SLC30A10: variants seen among roughly 807,000 people sequenced by gnomAD.
The protein encoded by SLC30A10 is solute carrier family 30 member 10, also known as calcium/manganese antiporter SLC30A10.
Under a neutral mutation model 21.7 loss-of-function variants are expected in SLC30A10, and 8 were observed. That is an observed-to-expected ratio of 0.37 (90% confidence interval 0.22 to 0.67). The LOEUF (loss-of-function observed/expected upper bound fraction) is 0.67, where lower values mean the gene tolerates loss of function less well. SLC30A10 is among the 30% of genes least tolerant of loss of function. SLC30A10 has a pLI of 0.58. For missense variants in SLC30A10, 521 were observed against 642.5 expected, an observed-to-expected ratio of 0.81 and a Z score of 2.04; for synonymous variants, 272 against 279.4, an observed-to-expected ratio of 0.97 and a Z score of 0.26.
chr1:219,916,899 G>C (rs1659556867), intron 3 of SLC30A10, among the ~76,000 whole-genome samples: 1 of 151,240 alleles, frequency 6.6e-6, no homozygotes, highest in African/African-American at 2.4e-5. Context: ...AAAGCACTTG[G>C]AACACTTACA....
chr1:219,919,601 C>A (rs1558250948), intron 2 of SLC30A10, among the ~76,000 whole-genome samples: 1 of 137,414 alleles, frequency 7.3e-6, no homozygotes, highest in Non-Finnish European at 1.7e-5. Context: ...TATGGTGAAA[C>A]CCTATCTCTA....
intron 1 of SLC30A10, among the ~76,000 whole-genome samples, chr1:219,951,367 A>C (rs1660268607): frequency 6.6e-6 from 1 of 152,148 alleles, no homozygotes; most frequent in African/African-American, 2.4e-5. Context: ...GACGTTCCAG[A>C]ACATGTATTT....
At chr1:219,953,543 C>T (rs12049187) in intron 1 of SLC30A10, among the ~76,000 whole-genome samples, 50,227 of 151,056 alleles carry the variant, frequency 0.33, 8,960 homozygotes, top group Non-Finnish European at 0.4. Flanking sequence ...CAGAGGTTAT[C>T]GTGAGCCCGA....
At position 219,915,423 on chromosome 1, in the gene SLC30A10, T is replaced by C. The variant is rs1368135004; in HGVS notation, c.*26A>G. 6.3e-7 allele frequency: 1 copy of C among 1,597,928 alleles called. No homozygotes were observed. The highest frequency in any genetic ancestry group is 1.7e-4 in the Middle Eastern group (1 of 5,972). ...TTGTGGTTCCAAAGTGCCTCGTCTA[T>C]ATGGTCTGATTATGTGAGTACCAGA... On this transcript the variant is annotated 3_prime_UTR_variant, in exon 4 of 4. Coordinates refer to ENST00000366926, the MANE Select transcript of SLC30A10 (RefSeq NM_018713.3).
At chr1:219,930,763 G>A (rs189545551), upstream of SLC30A10, among the ~76,000 whole-genome samples, 5 of 152,178 alleles carry the variant, frequency 3.3e-5, no homozygotes, top group South Asian at 4.1e-4. Context: ...GAGGTAAGAA[G>A]ATATAGACTA....
intron 2 of SLC30A10, among the ~76,000 whole-genome samples, chr1:219,919,456 A>G (rs146906124): frequency 6.6e-6 from 1 of 152,214 alleles, no homozygotes; most frequent in African/African-American, 2.4e-5. Flanking sequence ...TCAGATCTGT[A>G]GAATCTGAAC....
At chr1:219,921,215 T>C (rs1386715248) in intron 2 of SLC30A10, among the ~76,000 whole-genome samples, 1 of 152,236 alleles carries the variant, frequency 6.6e-6, no homozygotes, top group African/African-American at 2.4e-5. Context: ...TCTGGAGTGA[T>C]GAGTCCCGGA....
chr1:219,927,125 C>T lies in SLC30A10; in HGVS notation c.641-20G>A, dbSNP rs2102533855. ...AATCACCTGCATTCAAAGAAGAAAC[C>T]TTGTGTTGTGTATAAGTTCTACAAA... On this transcript the variant is annotated intron_variant, in intron 1 of 3. Transcript: ENST00000366926. 1 of 1,613,092 alleles carries T rather than the reference C, an allele frequency of 6.2e-7. No homozygotes were observed. Among genetic ancestry groups the T allele is most frequent in the South Asian group, 1.1e-5 (1 of 91,000 alleles).
intron 2 of SLC30A10, among the ~76,000 whole-genome samples, chr1:219,920,391 C>G (rs1342905398): frequency 6.6e-6 from 1 of 152,120 alleles, no homozygotes; most frequent in Non-Finnish European, 1.5e-5. Flanking sequence ...CTAATATCTC[C>G]TATACACATG....
intron 1 of SLC30A10, among the ~76,000 whole-genome samples, chr1:219,945,511 T>C (rs1028889830): frequency 6.6e-6 from 1 of 152,006 alleles, no homozygotes; most frequent in Non-Finnish European, 1.5e-5. Flanking sequence ...AAGGTAAATC[T>C]GAAAAACCAC....
intron 1 of SLC30A10, among the ~76,000 whole-genome samples, chr1:219,947,327 G>A (rs927233584): frequency 1.3e-5 from 2 of 152,192 alleles, no homozygotes; most frequent in African/African-American, 2.4e-5. Flanking sequence ...GCAGGAGTTC[G>A]AGATCAGCTT....
chr1:219,938,587 G>T (rs1406338235), intron 1 of SLC30A10, among the ~76,000 whole-genome samples: 7 of 152,174 alleles, frequency 4.6e-5, no homozygotes, highest in Non-Finnish European at 1.0e-4. Flanking sequence ...ATTCTGGGGT[G>T]GACGATTAGG....
At chr1:219,956,686 G>T (rs1422571027) in intron 1 of SLC30A10, among the ~76,000 whole-genome samples, 1 of 148,808 alleles carries the variant, frequency 6.7e-6, no homozygotes, top group African/African-American at 2.5e-5. Context: ...AAGAAGAAAA[G>T]AAAAAAAAGA....
chr1:219,915,400 G>A lies in SLC30A10; in HGVS notation c.*49C>T. 6.4e-7 allele frequency: 1 copy of A among 1,567,928 alleles called. No individual in the cohort carries two copies. Among genetic ancestry groups the A allele is most frequent in the Non-Finnish European group, 8.6e-7 (1 of 1,157,194 alleles). ...AAAGCTCTTTTTGTGAGCCAAGCTT[G>A]TGGTTCCAAAGTGCCTCGTCTATAT... is the stretch of plus-strand genomic sequence containing the variant. On this transcript the variant is annotated 3_prime_UTR_variant, in exon 4 of 4. Transcript: ENST00000366926.
chr1:219,924,353 C>T (rs1471396794), intron 2 of SLC30A10, among the ~76,000 whole-genome samples: 2 of 152,164 alleles, frequency 1.3e-5, no homozygotes, highest in Non-Finnish European at 2.9e-5. Flanking sequence ...CCCAGGATTC[C>T]AGCCTTGTCT....
In SLC30A10 at chr1:219,914,841, GA is replaced by G. The variant is rs1188367629; in HGVS notation, c.*607del. On this transcript the variant is annotated 3_prime_UTR_variant, in exon 4 of 4. Transcript: ENST00000366926. ...TTTCTCTCACCTCACAAAATGTAGAGATGGCCAACGCCCTCCTACTAACCTT... is the reference window on the plus strand; with the variant it reads ...TTTCTCTCACCTCACAAAATGTAGAGTGGCCAACGCCCTCCTACTAACCTT... The G allele has an allele frequency of 6.6e-6, 1 of 152,288 alleles. No homozygotes were observed. The highest frequency in any genetic ancestry group is 1.9e-4 in the East Asian group (1 of 5,196). 9.4% of individuals were successfully genotyped at this position (152,288 alleles called of 1,614,324 possible).
Position 219,918,263 on chromosome 1 carries a change from T to A in SLC30A10, c.950A>T (p.Glu317Val). The change falls in exon 3 of 4, where the codon GAA becomes GTA. Residue 317 changes from glutamate to valine, a missense_variant. Coordinates refer to ENST00000366926, the MANE Select transcript of SLC30A10 (RefSeq NM_018713.3). The surrounding 1 kb of genome is among the most constrained non-coding windows in gnomAD (Gnocchi z 4.4). ...LQMVPKGVNM[E>V]ELMSKLSAVP... ...AAATTCAGTCTACTTACTCAGCTCT[T>A]CCATGTTGACTCCTTTTGGGACCAT... The A allele has an allele frequency of 6.2e-7, 1 of 1,614,072 alleles. No individual in the cohort carries two copies. The highest frequency in any genetic ancestry group is 1.3e-5 in the African/African-American group (1 of 75,042).
chr1:219,914,211 T>C lies in SLC30A10; in HGVS notation c.*1238A>G, dbSNP rs189417428. On this transcript the variant is annotated 3_prime_UTR_variant, in exon 4 of 4. Transcript: ENST00000366926. ...TGTGAGACTGTTCTGATTTAAATAC[T>C]GATGTCTGAGCAATGTGTTAAAAAC... The C allele has an allele frequency of 3.9e-5, 6 of 152,348 alleles. No individual in the cohort carries two copies. The highest frequency in any genetic ancestry group is 1.3e-4 in the Admixed American group (2 of 15,300). 9.4% of individuals were successfully genotyped at this position (152,348 alleles called of 1,614,324 possible). A position where few individuals can be genotyped will look rare whatever the true frequency, so the allele number is the denominator to read the frequency against.
rs77262852 is a variant in SLC30A10 at position 219,940,455 on chromosome 1, A to T, written n.81-13350T>A. 7.7e-3 allele frequency among the ~76,000 whole-genome samples: 1,177 copies of T among 152,270 alleles called. 11 individuals carry two copies. Among genetic ancestry groups the T allele is most frequent in the African/African-American group, 0.028 (1,146 of 41,548 alleles). ...CTGTGTGCTTTCCAAATTCTAGCCC[A>T]CTGAACCCCTGGGTTCATAAAACAA... On this transcript the variant is annotated intron_variant and non_coding_transcript_variant, in intron 1 of 8. Coordinates refer to the SLC30A10 transcript ENST00000484239.
Sources: gnomAD v4.1 joint callset for allele counts (sites outside exome capture counted in the v4.1 genomes callset) on GRCh38, gnomAD v4.1.1 for gene constraint, Gnocchi (gnomAD v3.1) non-coding constraint, MANE v1.5 for transcripts, NCBI Gene and HGNC (gene_info 2026-07-23, HGNC 2026-07-21) for gene names.